ZNF891: variants seen among roughly 807,000 people sequenced by gnomAD.
ZNF891 encodes hCG1646157.
For missense variants in ZNF891, 589 were observed against 632.7 expected, an observed-to-expected ratio of 0.93 and a Z score of 0.74; for synonymous variants, 199 against 209.0, an observed-to-expected ratio of 0.95 and a Z score of 0.41.
In ZNF891 at chr12:133,106,639, T is replaced by C. The variant is rs781652571; in HGVS notation, c.*13645A>G. ...CATTTAATTACCACTCATTCCTTAC[T>C]GAACACCAGTGAATTTACACTGCAA... On this transcript the variant is annotated 3_prime_UTR_variant, in exon 2 of 2. Coordinates refer to ENST00000537226, the MANE Select transcript of ZNF891 (RefSeq NM_001277291.2). The C allele has an allele frequency of 4.4e-6, 7 of 1,579,152 alleles. No individual in the cohort carries two copies. In the African/African-American group the frequency reaches 9.5e-5, roughly 21 times the overall value.
chr12:133,120,683 G>A lies in ZNF891; in HGVS notation c.1236C>T (p.Ser412=). ...CTATAAGGTAAGAGCTTGTGCCAAAGGATTTTCCACACTGATTACATTCAT... is the reference window on the plus strand; with the variant it reads ...CTATAAGGTAAGAGCTTGTGCCAAAAGATTTTCCACACTGATTACATTCAT... ...KPYECNQCGK[S]FGTSSYLIVH... Residue 412 remains serine, a synonymous_variant, in exon 2 of 2, where the codon TCC becomes TCT. Coordinates refer to ENST00000537226, the MANE Select transcript of ZNF891 (RefSeq NM_001277291.2). 6.4e-7 allele frequency: 1 copy of A among 1,560,990 alleles called. No homozygotes were observed. Among genetic ancestry groups the A allele is most frequent in the Non-Finnish European group, 8.7e-7 (1 of 1,153,516 alleles).
Position 133,106,244 on chromosome 12 carries a change from C to T in ZNF891, c.*14040G>A. On this transcript the variant is annotated 3_prime_UTR_variant, in exon 2 of 2. Transcript: ENST00000537226. ...ACACCTTACTCGACATCAGAGCATCCATACAACCAAAACCCCGTATGAATG... is the reference window on the plus strand; with the variant it reads ...ACACCTTACTCGACATCAGAGCATCTATACAACCAAAACCCCGTATGAATG... 2 of 1,614,198 alleles carry T rather than the reference C, an allele frequency of 1.2e-6. No homozygotes were observed. The highest frequency in any genetic ancestry group is 1.7e-6 in the Non-Finnish European group (2 of 1,180,030).
At chr12:133,128,792 GAA>G (rs74873248) in intron 1 of ZNF891, among the ~76,000 whole-genome samples, 12 of 104,730 alleles carry the variant, frequency 1.1e-4, no homozygotes, top group East Asian at 6.2e-4. Flanking sequence ...ACTCTGTCTC[GAA>G]AAAAAAAAAA....
rs200190021 is a variant in ZNF891, at chr12:133,128,688, G to C, written c.-107+1539C>G. Among the ~76,000 whole-genome samples, 16 of 151,962 alleles carry C rather than the reference G, an allele frequency of 1.1e-4. No homozygotes were observed. In the East Asian group the frequency reaches 3.1e-3, roughly 29 times the overall value. On this transcript the variant is annotated intron_variant, in intron 1 of 1. Coordinates refer to ENST00000537226, the MANE Select transcript of ZNF891 (RefSeq NM_001277291.2). ...TTAGCTGGATTAGCCGGGCGTGGTG[G>C]GGCCTGAGGCAGGAGAATCGCTTGA...
At position 133,115,563 on chromosome 12, in the gene ZNF891, T is replaced by C. The variant is rs1183838088; in HGVS notation, c.*4721A>G. ...CTGTGTAGGGCAGAAGTTATTTACATTGTTTTCTCCTATGCATGTATTAGT... is the reference window on the plus strand; with the variant it reads ...CTGTGTAGGGCAGAAGTTATTTACACTGTTTTCTCCTATGCATGTATTAGT... On this transcript the variant is annotated 3_prime_UTR_variant, in exon 2 of 2. Coordinates refer to ENST00000537226, the MANE Select transcript of ZNF891 (RefSeq NM_001277291.2). 2 of 152,162 alleles carry C rather than the reference T, an allele frequency of 1.3e-5. No homozygotes were observed. Among genetic ancestry groups the C allele is most frequent in the Admixed American group, 6.6e-5 (1 of 15,262 alleles). 9.4% of individuals were successfully genotyped at this position (152,162 alleles called of 1,614,324 possible). A position where few individuals can be genotyped will look rare whatever the true frequency, so the allele number is the denominator to read the frequency against.
intron 1 of ZNF891, 118 bp from the exon 2 acceptor site, chr12:133,122,142 A>G: frequency 1.5e-6 from 2 of 1,292,024 alleles, no homozygotes; most frequent in Non-Finnish European, 2.0e-6. Flanking sequence ...AGGTCTAACC[A>G]GCTTAAAATC....
In ZNF891 at chr12:133,120,137, A is replaced by T; in HGVS notation, c.*147T>A. 1 of 556,682 alleles carries T rather than the reference A, an allele frequency of 1.8e-6. No homozygotes were observed. The allele number at this position is 556,682 out of a possible 1,614,324, so 34.5% of individuals were successfully genotyped here. On this transcript the variant is annotated 3_prime_UTR_variant, in exon 2 of 2. Transcript: ENST00000537226. ...TTCTAAACAGCCATGGATCAAAAAA[A>T]GTCATAATTAGTATTTACAGAAAAT...
chr12:133,120,658 C>A lies in ZNF891; in HGVS notation c.1261G>T (p.Val421Leu), dbSNP rs1308537232. ...KSFGTSSYLI[V>L]HKRIHTGEKL... ...TCTCCAGTGTGTATTCTCTTGTGCA[C>A]TATAAGGTAAGAGCTTGTGCCAAAG... is the stretch of plus-strand genomic sequence containing the variant. The change falls in exon 2 of 2, where the codon GTG becomes TTG. Residue 421 changes from valine to leucine, a missense_variant. By Grantham distance (32) the Val-to-Leu change is conservative. Coordinates refer to ENST00000537226, the MANE Select transcript of ZNF891 (RefSeq NM_001277291.2). 3 of 1,557,098 alleles carry A rather than the reference C, an allele frequency of 1.9e-6. No individual in the cohort carries two copies. The highest frequency in any genetic ancestry group is 2.7e-5 in the African/African-American group (2 of 72,846).
chr12:133,127,677 A>T (rs1955830098), intron 1 of ZNF891, among the ~76,000 whole-genome samples: 1 of 152,148 alleles, frequency 6.6e-6, no homozygotes, highest in African/African-American at 2.4e-5. Context: ...TACAGGAAAC[A>T]GGAGATTTAA....
At position 133,115,390 on chromosome 12, in the gene ZNF891, CAAAAAAAAAAAA is replaced by C. The variant is rs550203150; in HGVS notation, c.*4882_*4893del. On this transcript the variant is annotated 3_prime_UTR_variant, in exon 2 of 2. Coordinates refer to ENST00000537226, the MANE Select transcript of ZNF891 (RefSeq NM_001277291.2). ...CCTGGGAAAAAGCAAAACTCCTTCT[CAAAAAAAAAAAA>C]AAAAAAAAAAAAAAGATGTGGGATA... The C allele has an allele frequency of 1.5e-4, 5 of 34,344 alleles. 1 individual carries two copies. In the East Asian group the frequency reaches 6.0e-3, roughly 41 times the overall value. The allele number at this position is 34,344 out of a possible 1,614,324, so 2.1% of individuals were successfully genotyped here.
Position 133,105,828 on chromosome 12 carries a change from C to T in ZNF891, c.*14456G>A. ...CTGGTGTTACACCAGAGGACTCATA[C>T]TGGAGAGAAACCATATGCATGTAAG... On this transcript the variant is annotated 3_prime_UTR_variant, in exon 2 of 2. Coordinates refer to ENST00000537226, the MANE Select transcript of ZNF891 (RefSeq NM_001277291.2). 2 of 1,614,180 alleles carry T rather than the reference C, an allele frequency of 1.2e-6. No homozygotes were observed. The highest frequency in any genetic ancestry group is 3.3e-5 in the Admixed American group (2 of 60,032).
Position 133,121,102 on chromosome 12 carries a change from C to T in ZNF891, c.817G>A (p.Gly273Arg). 2.0e-6 allele frequency: 3 copies of T among 1,535,384 alleles called. No individual in the cohort carries two copies. In the South Asian group the frequency reaches 3.6e-5, roughly 18 times the overall value. The change falls in exon 2 of 2, where the codon GGA (glycine) becomes AGA (arginine). Residue 273 changes from glycine to arginine, a missense_variant. Physicochemically the swap from Gly to Arg is moderately radical, Grantham distance 125. Coordinates refer to ENST00000537226, the MANE Select transcript of ZNF891 (RefSeq NM_001277291.2). ...VQKEYTYSKH[G>R]MHFTHNMFPV... ...AACATATTATGTGTGAAGTGCATTC[C>T]ATGTTTAGAATATGTGTACTCTTTT...
chr12:133,109,561 G>A lies in ZNF891; in HGVS notation c.*10723C>T, dbSNP rs1336661425. 6.6e-6 allele frequency: 1 copy of A among 152,220 alleles called. No individual in the cohort carries two copies. The highest frequency in any genetic ancestry group is 1.5e-5 in the Non-Finnish European group (1 of 68,080). The allele number at this position is 152,220 out of a possible 1,614,324, so 9.4% of individuals were successfully genotyped here. On this transcript the variant is annotated 3_prime_UTR_variant, in exon 2 of 2. Coordinates refer to ENST00000537226, the MANE Select transcript of ZNF891 (RefSeq NM_001277291.2). ...GCAGGTCCCTTTAAGAAAAACTATT[G>A]CAGTGGGGGACGGGGGGCTCATATG...
At position 133,117,942 on chromosome 12, in the gene ZNF891, CTTCCTTT is replaced by C. The variant is rs1171816450; in HGVS notation, c.*2335_*2341del. On this transcript the variant is annotated 3_prime_UTR_variant, in exon 2 of 2. Transcript: ENST00000537226. ...TAACACTAAAAACATTTACCTTCAC[CTTCCTTT>C]TTTTTTTTTTTTTTTTGAGATGAAG... 1 of 136,812 alleles carries C rather than the reference CTTCCTTT, an allele frequency of 7.3e-6. No individual in the cohort carries two copies. Among genetic ancestry groups the C allele is most frequent in the African/African-American group, 2.9e-5 (1 of 34,714 alleles). The allele number at this position is 136,812 out of a possible 1,614,324, so 8.5% of individuals were successfully genotyped here.
In ZNF891 at chr12:133,117,323, GA is replaced by G. The variant is rs2137614691; in HGVS notation, c.*2960del. 1.3e-5 allele frequency: 2 copies of G among 152,280 alleles called. No individual in the cohort carries two copies. The highest frequency in any genetic ancestry group is 4.1e-4 in the South Asian group (2 of 4,828). The allele number at this position is 152,280 out of a possible 1,614,324, so 9.4% of individuals were successfully genotyped here. Reference sequence around the variant, plus strand: ...CAATACTACTGTTAGCAAAACTGAAGATCTATTCATAAAGAATAAAAAATAT... The same window carrying G: ...CAATACTACTGTTAGCAAAACTGAAGTCTATTCATAAAGAATAAAAAATAT... On this transcript the variant is annotated 3_prime_UTR_variant, in exon 2 of 2. Coordinates refer to ENST00000537226, the MANE Select transcript of ZNF891 (RefSeq NM_001277291.2).
In ZNF891 at chr12:133,119,971, G is replaced by A. The variant is rs1019056407; in HGVS notation, c.*313C>T. Reference sequence around the variant, plus strand: ...CTGCTAGCAATACCAGTCTCACTGGGCCAGAAAACAACTTTTATAAAAACA... The same window carrying A: ...CTGCTAGCAATACCAGTCTCACTGGACCAGAAAACAACTTTTATAAAAACA... On this transcript the variant is annotated 3_prime_UTR_variant, in exon 2 of 2. Coordinates refer to ENST00000537226, the MANE Select transcript of ZNF891 (RefSeq NM_001277291.2). 6 of 207,906 alleles carry A rather than the reference G, an allele frequency of 2.9e-5. No homozygotes were observed. Among genetic ancestry groups the A allele is most frequent in the Non-Finnish European group, 5.8e-5 (6 of 103,190 alleles). The allele number at this position is 207,906 out of a possible 1,614,324, so 12.9% of individuals were successfully genotyped here. A position where few individuals can be genotyped will look rare whatever the true frequency, so the allele number is the denominator to read the frequency against.
chr12:133,118,177 T>A lies in ZNF891; in HGVS notation c.*2107A>T, dbSNP rs1955726749. On this transcript the variant is annotated 3_prime_UTR_variant, in exon 2 of 2. Coordinates refer to ENST00000537226, the MANE Select transcript of ZNF891 (RefSeq NM_001277291.2). ...CCAGGATGGTCTCGATCTGACCTTGTGATCCGCCTGCCTCAGCCTCTCAAA... is the reference window on the plus strand; with the variant it reads ...CCAGGATGGTCTCGATCTGACCTTGAGATCCGCCTGCCTCAGCCTCTCAAA... 1 of 152,188 alleles carries A rather than the reference T, an allele frequency of 6.6e-6. No individual in the cohort carries two copies. The highest frequency in any genetic ancestry group is 1.5e-5 in the Non-Finnish European group (1 of 68,056). The allele number at this position is 152,188 out of a possible 1,614,324, so 9.4% of individuals were successfully genotyped here.
In ZNF891 at chr12:133,115,078, T is replaced by G. The variant is rs1331988361; in HGVS notation, c.*5206A>C. ...CTATTACAAATGAAATAGAACTACA[T>G]GCACTGACATGGAAAGATGTTTAAA... On this transcript the variant is annotated 3_prime_UTR_variant, in exon 2 of 2. Transcript: ENST00000537226. The G allele has an allele frequency of 6.6e-6, 1 of 152,112 alleles. No homozygotes were observed. The highest frequency in any genetic ancestry group is 2.4e-5 in the African/African-American group (1 of 41,432). 9.4% of individuals were successfully genotyped at this position (152,112 alleles called of 1,614,324 possible).
rs556713356 is a variant in ZNF891 at position 133,115,593 on chromosome 12, T to A, written c.*4691A>T. The A allele has an allele frequency of 1.3e-5, 2 of 152,246 alleles. No individual in the cohort carries two copies. Among genetic ancestry groups the A allele is most frequent in the East Asian group, 3.9e-4 (2 of 5,190 alleles). 9.4% of individuals were successfully genotyped at this position (152,246 alleles called of 1,614,324 possible). On this transcript the variant is annotated 3_prime_UTR_variant, in exon 2 of 2. Coordinates refer to ENST00000537226, the MANE Select transcript of ZNF891 (RefSeq NM_001277291.2). Reference sequence around the variant, plus strand: ...TTCTCCTATGCATGTATTAGTTTTATTATTAAAAACCACAAAGTTTTTGTT... The same window carrying A: ...TTCTCCTATGCATGTATTAGTTTTAATATTAAAAACCACAAAGTTTTTGTT...
Sources: gnomAD v4.1 joint callset for allele counts (sites outside exome capture counted in the v4.1 genomes callset) on GRCh38, gnomAD v4.1.1 for gene constraint, MANE v1.5 for transcripts, NCBI Gene and HGNC (gene_info 2026-07-23, HGNC 2026-07-21) for gene names.